Variants in PPP2R5C observed in about 807,000 individuals in gnomAD.
PPP2R5C encodes the protein serine/threonine-protein phosphatase 2A 56 kDa regulatory subunit gamma isoform.
In PPP2R5C, 7 loss-of-function variants were observed where a neutral mutation model predicts 68.9. The observed-to-expected ratio is 0.10, with a 90% CI of 0.06 to 0.19. The LOEUF is 0.19. Ranked by LOEUF, PPP2R5C falls within the 10% of genes least tolerant of loss-of-function variation. The pLI is 1.00. For missense variants in PPP2R5C, 348 were observed against 641.3 expected (o/e 0.54, Z 4.94); for synonymous variants, 210 against 222.2 (o/e 0.95, Z 0.49).
At chr14:101,786,309 A>T in intron 3 of PPP2R5C, 126 bp downstream of exon 3, 9 of 800,532 alleles carry the variant, frequency 1.1e-5, no homozygotes, top group Non-Finnish European at 1.6e-5. Flanking sequence ...TTCTGTATTG[A>T]GGGGTTTTTT....
At chr14:101,815,835 A>AT (rs767420945) in intron 1 of PPP2R5C, among the ~76,000 whole-genome samples, 1 of 151,746 alleles carries the variant, frequency 6.6e-6, no homozygotes, top group Non-Finnish European at 1.5e-5. Flanking sequence ...ACGCCCGGCT[A>AT]TTTTTTGTAT....
At chr14:101,861,335 G>A (rs1215715871) in intron 2 of PPP2R5C, among the ~76,000 whole-genome samples, 1 of 152,206 alleles carries the variant, frequency 6.6e-6, no homozygotes, top group Non-Finnish European at 1.5e-5. Context: ...CAAATCAGGG[G>A]ATCACAGATA....
At chr14:101,910,977 G>A (rs139526991) in intron 11 of PPP2R5C, among the ~76,000 whole-genome samples, 3,294 of 152,212 alleles carry the variant, frequency 0.022, 91 homozygotes, top group Middle Eastern at 0.068. Context: ...GGTGGCAGGC[G>A]CCTGTGGTCC....
intron 3 of PPP2R5C, among the ~76,000 whole-genome samples, chr14:101,788,291 C>G (rs1427570888): frequency 6.6e-6 from 1 of 152,186 alleles, no homozygotes; most frequent in Non-Finnish European, 1.5e-5. Context: ...TGAATTTGGT[C>G]AAATGCCATA....
chr14:101,793,607 C>T (rs184004794), intron 3 of PPP2R5C, among the ~76,000 whole-genome samples: 1 of 152,320 alleles, frequency 6.6e-6, no homozygotes, highest in Admixed American at 6.5e-5. Flanking sequence ...CCTGTGATCC[C>T]TGAAGCCCCA....
intron 5 of PPP2R5C, among the ~76,000 whole-genome samples, chr14:101,886,137 C>T (rs572028149): frequency 6.6e-5 from 10 of 152,074 alleles, no homozygotes; most frequent in East Asian, 1.9e-4. Context: ...AAAAATTAGC[C>T]GGGCGTGGTG....
At position 101,889,892 on chromosome 14, in the gene PPP2R5C, C is replaced by T. The variant is rs778909253; in HGVS notation, c.630-345C>T. 11 of 454,142 alleles carry T rather than the reference C, an allele frequency of 2.4e-5. No homozygotes were observed. In the East Asian group the frequency reaches 3.1e-4, roughly 13 times the overall value. The allele number at this position is 454,142 out of a possible 1,614,324, so 28.1% of individuals were successfully genotyped here. A position where few individuals can be genotyped will look rare whatever the true frequency, so the allele number is the denominator to read the frequency against. ...AGTAAAAGATGGATGAACAGATGTG[C>T]GTGTGATCAAGCAGATGGAGCACAT... On this transcript the variant is annotated intron_variant, in intron 5 of 13. Coordinates refer to ENST00000334743, the Ensembl canonical transcript of PPP2R5C.
intron 7 of PPP2R5C, among the ~76,000 whole-genome samples, chr14:101,894,032 A>G (rs1352853092): frequency 6.6e-6 from 1 of 152,230 alleles, no homozygotes; most frequent in Non-Finnish European, 1.5e-5. Context: ...CTAAATGACA[A>G]AAAGTATATT....
At chr14:101,920,268 A>C (rs1754991803) in intron 13 of PPP2R5C, among the ~76,000 whole-genome samples, 1 of 152,182 alleles carries the variant, frequency 6.6e-6, no homozygotes, top group African/African-American at 2.4e-5. Flanking sequence ...CAGAACGTCC[A>C]ACTGCTTGGT....
At chr14:101,876,116 G>T (rs1236122650) in intron 2 of PPP2R5C, among the ~76,000 whole-genome samples, 1 of 152,128 alleles carries the variant, frequency 6.6e-6, no homozygotes, top group Non-Finnish European at 1.5e-5. Flanking sequence ...TATATCATTT[G>T]CAAACAAATG....
chr14:101,785,267 T>C (rs542094640), intron 2 of PPP2R5C, among the ~76,000 whole-genome samples: 3 of 152,234 alleles, frequency 2.0e-5, no homozygotes, highest in African/African-American at 7.2e-5. Flanking sequence ...GCCGTATTCA[T>C]CTCCTTGCAC....
intron 1 of PPP2R5C, chr14:101,836,703 T>G (rs1397142275): frequency 1.1e-5 from 3 of 264,906 alleles, no homozygotes; most frequent in Admixed American, 9.5e-5. Flanking sequence ...ATCTTCTAAC[T>G]TTGGCTTTAA....
In PPP2R5C at chr14:101,825,634, T is replaced by C. The variant is rs964265405; in HGVS notation, c.94+15598T>C. 1.3e-5 allele frequency among the ~76,000 whole-genome samples: 2 copies of C among 152,212 alleles called. No homozygotes were observed. Among genetic ancestry groups the C allele is most frequent in the African/African-American group, 4.8e-5 (2 of 41,450 alleles). Reference sequence around the variant, plus strand: ...CCATCATTCAGGTTTCACTGAACTTTCATGTTGGCATTTCATTTAGTTGAA... The same window carrying C: ...CCATCATTCAGGTTTCACTGAACTTCCATGTTGGCATTTCATTTAGTTGAA... On this transcript the variant is annotated intron_variant, in intron 1 of 13. Transcript: ENST00000334743. The surrounding 1 kb of genome is among the most constrained non-coding windows in gnomAD (Gnocchi z 4.0).
At position 101,916,239 on chromosome 14, in the gene PPP2R5C, G is replaced by A. The variant is rs1290977498; in HGVS notation, c.1327-1592G>A. ...GGAGATCGTGGTGCTGGGCGGAGCT[G>A]TGGGAGTGAAGGCACAGGGCGCTGA... On this transcript the variant is annotated intron_variant, in intron 12 of 13. Transcript: ENST00000334743. This position sits in a 1 kb window ranked among gnomAD's most constrained non-coding sequence, Gnocchi z 5.5. Among the ~76,000 whole-genome samples the A allele has an allele frequency of 6.6e-6, 1 of 151,928 alleles. No individual in the cohort carries two copies. Among genetic ancestry groups the A allele is most frequent in the Non-Finnish European group, 1.5e-5 (1 of 67,962 alleles).
chr14:101,826,334 G>A (rs1172093475), intron 1 of PPP2R5C, among the ~76,000 whole-genome samples: 1 of 152,006 alleles, frequency 6.6e-6, no homozygotes, highest in South Asian at 2.1e-4. Flanking sequence ...GTGAGGTAAG[G>A]GTCCAACTTC....
chr14:101,895,783 G>A (rs540258178), intron 8 of PPP2R5C, among the ~76,000 whole-genome samples: 8 of 152,218 alleles, frequency 5.3e-5, no homozygotes, highest in Non-Finnish European at 1.0e-4. Context: ...GGATACTGGT[G>A]TACAAATATT....
chr14:101,786,026 C>T (rs779646840), exon 3 of PPP2R5C: 7 of 1,521,680 alleles, frequency 4.6e-6, no homozygotes, highest in South Asian at 2.5e-5. Context: ...AGCAAATTTC[C>T]GTCAGGAAAA....
chr14:101,917,218 A>G lies in PPP2R5C; in HGVS notation c.1327-613A>G, dbSNP rs2046724388. 6.6e-6 allele frequency among the ~76,000 whole-genome samples: 1 copy of G among 152,122 alleles called. No homozygotes were observed. Among genetic ancestry groups the G allele is most frequent in the Admixed American group, 6.5e-5 (1 of 15,276 alleles). ...TCAATCCAGAGCACAGGGAGAGTGG[A>G]GAAGTCCCAGGGCCGCCCGTAGGGA... On this transcript the variant is annotated intron_variant, in intron 12 of 13. Coordinates refer to ENST00000334743, the Ensembl canonical transcript of PPP2R5C. This position sits in a 1 kb window ranked among gnomAD's most constrained non-coding sequence, Gnocchi z 4.4.
chr14:101,771,400 G>T (rs2037146138), intron 2 of PPP2R5C, among the ~76,000 whole-genome samples: 2 of 151,866 alleles, frequency 1.3e-5, no homozygotes, highest in Admixed American at 1.3e-4. Flanking sequence ...GATTACAGGT[G>T]TGTGCCACCA....
Sources: allele counts gnomAD v4.1 joint callset (sites outside exome capture counted in the v4.1 genomes callset), GRCh38; gene constraint gnomAD v4.1.1; non-coding constraint Gnocchi (gnomAD v3.1); transcripts MANE v1.5; gene names NCBI Gene and HGNC (gene_info 2026-07-23, HGNC 2026-07-21).